SETD2: variants seen among roughly 807,000 people sequenced by gnomAD.
SETD2 encodes histone-lysine N-methyltransferase SETD2.
A neutral mutation model predicts 242.1 loss-of-function variants in SETD2; 31 were observed. The observed-to-expected ratio is 0.13, with a 90% CI of 0.10 to 0.17. The LOEUF is 0.17. Among genes scored for constraint, SETD2 ranks in the 10% least tolerant of loss-of-function variants. The pLI is 1.00. For missense variants in SETD2, 2,481 were observed against 3,046.3 expected, an observed-to-expected ratio of 0.81 and a Z score of 4.37; for synonymous variants, 1,006 against 1,066.5, an observed-to-expected ratio of 0.94 and a Z score of 1.11.
In SETD2 at chr3:47,083,915, T is replaced by A. The variant is rs923467940; in HGVS notation, c.5865A>T (p.Glu1955Asp). 3 of 1,614,104 alleles carry A rather than the reference T, an allele frequency of 1.9e-6. No individual in the cohort carries two copies. In the African/African-American group the frequency reaches 4.0e-5, roughly 22 times the overall value. The change falls in exon 12 of 21, where the codon GAA becomes GAT. Residue 1955 changes from glutamate (E) to aspartate (D), a missense_variant. This residue lies in a region of SETD2 where 203 missense variants were observed against 222.4 expected (regional missense o/e 0.91). Coordinates refer to ENST00000409792, the MANE Select transcript of SETD2 (RefSeq NM_014159.7). ...CTTTGGGCTCTATTTCAGCGTCAGC[T>A]TCTGGTTCAGATGTAGGTAGCTTAC... The part of the protein sequence containing the change: ...EASKLPTSEP[E>D]ADAEIEPKES...
intron 16 of SETD2, among the ~76,000 whole-genome samples, chr3:47,043,926 T>G (rs2039398039): frequency 1.3e-5 from 2 of 152,182 alleles, no homozygotes; most frequent in African/African-American, 4.8e-5. Context: ...ATTCAGTACT[T>G]ATTCCCAACA....
At chr3:47,126,992 T>C (rs754727869) in intron 1 of SETD2, among the ~76,000 whole-genome samples, 1 of 152,114 alleles carries the variant, frequency 6.6e-6, no homozygotes, top group African/African-American at 2.4e-5. Flanking sequence ...AATATAAGAA[T>C]AGAAATATAT....
In SETD2 at chr3:47,049,143, T is replaced by C. The variant is rs2039674859; in HGVS notation, c.6964-2522A>G. On this transcript the variant is annotated intron_variant, in intron 15 of 20. Coordinates refer to ENST00000409792, the MANE Select transcript of SETD2 (RefSeq NM_014159.7). ...CAAATTTGTAGAGACAGGGTTTCGC[T>C]ATGTTGTCTAGGCTAGTCTTGAACT... Among the ~76,000 whole-genome samples, 8 of 151,582 alleles carry C rather than the reference T, an allele frequency of 5.3e-5. No homozygotes were observed. In the South Asian group the frequency reaches 1.7e-3, roughly 31 times the overall value.
At chr3:47,045,215 G>A (rs549756714) in intron 16 of SETD2, among the ~76,000 whole-genome samples, 10 of 152,072 alleles carry the variant, frequency 6.6e-5, no homozygotes, top group African/African-American at 2.2e-4. Context: ...GTGAAACCCC[G>A]TATCTAAAAA....
At chr3:47,047,834 A>C (rs1168297676) in intron 15 of SETD2, among the ~76,000 whole-genome samples, 1 of 152,222 alleles carries the variant, frequency 6.6e-6, no homozygotes, top group Non-Finnish European at 1.5e-5. Context: ...GTACATTCTG[A>C]GAAATGCATT....
chr3:47,069,655 CTT>C (rs2040729828), intron 12 of SETD2, among the ~76,000 whole-genome samples: 1 of 152,164 alleles, frequency 6.6e-6, no homozygotes, highest in Non-Finnish European at 1.5e-5. Context: ...TCTGGGCTCT[CTT>C]TTCTCTTGAT....
chr3:47,162,408 C>A (rs1697515883), intron 1 of SETD2, among the ~76,000 whole-genome samples: 1 of 152,090 alleles, frequency 6.6e-6, no homozygotes, highest in African/African-American at 2.4e-5. Context: ...AAAGACCAAT[C>A]TAATTAAGGT....
chr3:47,141,640 CA>C (rs1474291991), intron 1 of SETD2, among the ~76,000 whole-genome samples: 2 of 152,082 alleles, frequency 1.3e-5, no homozygotes, highest in African/African-American at 4.8e-5. Context: ...TCATGTTTCA[CA>C]AGTAAGTTTT....
intron 9 of SETD2, among the ~76,000 whole-genome samples, chr3:47,094,743 A>C (rs911798415): frequency 6.6e-6 from 1 of 152,222 alleles, no homozygotes; most frequent in African/African-American, 2.4e-5. Flanking sequence ...TCATTCTGGG[A>C]TATTCCTCTA....
At chr3:47,028,844 T>C (rs1366540805) in intron 18 of SETD2, 3 of 154,358 alleles carry the variant, frequency 1.9e-5, no homozygotes, top group Admixed American at 6.5e-5. Flanking sequence ...TGGCAGTAGA[T>C]TGGTCATCTG....
At chr3:47,064,246 C>CA (rs1236585858) in intron 13 of SETD2, among the ~76,000 whole-genome samples, 3 of 152,104 alleles carry the variant, frequency 2.0e-5, no homozygotes, top group Non-Finnish European at 4.4e-5. Flanking sequence ...TTAGGTGGCC[C>CA]AAAACCCCAA....
Position 47,113,871 on chromosome 3 carries a change from C to T in SETD2, c.4715+5G>A, listed in dbSNP as rs1201964941. On this transcript the variant is annotated splice_donor_5th_base_variant and intron_variant, in intron 5 of 20. Transcript: ENST00000409792. ...GAAGTGAAAGGTAATTAAAAAAGAA[C>T]TTACGAAGGAAGGTCTTTGGCAGCT... The T allele has an allele frequency of 2.5e-6, 4 of 1,603,544 alleles. No homozygotes were observed. Among genetic ancestry groups the T allele is most frequent in the Admixed American group, 1.8e-5 (1 of 56,592 alleles).
At chr3:47,100,125 T>C (rs1420279560) in intron 8 of SETD2, among the ~76,000 whole-genome samples, 3 of 151,956 alleles carry the variant, frequency 2.0e-5, no homozygotes, top group Non-Finnish European at 4.4e-5. Flanking sequence ...GTATTCTTAG[T>C]AGAGACGGGG....
intron 18 of SETD2, among the ~76,000 whole-genome samples, chr3:47,031,359 G>A (rs151232225): frequency 9.9e-4 from 150 of 152,104 alleles, no homozygotes; most frequent in African/African-American, 3.4e-3. Flanking sequence ...GTAGTGACAG[G>A]GGGTATATGG....
At chr3:47,020,334 G>C (rs2038163502) in intron 18 of SETD2, among the ~76,000 whole-genome samples, 1 of 152,142 alleles carries the variant, frequency 6.6e-6, no homozygotes, top group Non-Finnish European at 1.5e-5. Flanking sequence ...GAGGCTCCTT[G>C]GAGGTTGGTA....
intron 1 of SETD2, among the ~76,000 whole-genome samples, chr3:47,150,720 G>A (rs991624732): frequency 6.6e-6 from 1 of 151,872 alleles, no homozygotes; most frequent in South Asian, 2.1e-4. Context: ...GGTGTCTCAC[G>A]CCTGTAATCC....
intron 1 of SETD2, among the ~76,000 whole-genome samples, chr3:47,154,123 C>T (rs889150631): frequency 6.6e-6 from 1 of 152,082 alleles, no homozygotes; most frequent in Non-Finnish European, 1.5e-5. Context: ...AAAATAAGCA[C>T]GTCTTGGCCA....
chr3:47,048,726 G>C (rs2039649315), intron 15 of SETD2, among the ~76,000 whole-genome samples: 1 of 152,124 alleles, frequency 6.6e-6, no homozygotes, highest in African/African-American at 2.4e-5. Flanking sequence ...GGAGAGCAGT[G>C]GTGCGATCTG....
chr3:47,129,761 T>G (rs1314860419), intron 1 of SETD2, among the ~76,000 whole-genome samples: 1 of 152,002 alleles, frequency 6.6e-6, no homozygotes, highest in Non-Finnish European at 1.5e-5. Flanking sequence ...GGCAAGTGCC[T>G]GTAATCCCAG....
Sources: allele counts gnomAD v4.1 joint callset (sites outside exome capture counted in the v4.1 genomes callset), GRCh38; gene constraint gnomAD v4.1.1; regional missense constraint gnomAD v4.1.1; transcripts MANE v1.5; gene names NCBI Gene and HGNC (gene_info 2026-07-23, HGNC 2026-07-21).